Variants in FLT4 observed in about 807,000 individuals in gnomAD.
The protein encoded by FLT4 is fms related receptor tyrosine kinase 4.
Under a neutral mutation model 163.2 loss-of-function variants are expected in FLT4, and 30 were observed. The ratio of observed to expected loss-of-function variants is 0.18; its 90% confidence interval spans 0.14 to 0.25. The LOEUF (loss-of-function observed/expected upper bound fraction) is 0.25, where lower values mean the gene tolerates loss of function less well. FLT4 is among the 10% of genes least tolerant of loss of function. The pLI, the probability that FLT4 is intolerant of heterozygous loss-of-function variation, is 1.00. For synonymous variants in FLT4, 884 were observed against 789.5 expected, an observed-to-expected ratio of 1.12 and a Z score of -2.01; for missense variants, 1,510 against 1,863.8, an observed-to-expected ratio of 0.81 and a Z score of 3.50.
At chr5:180,607,845 A>G in intron 29 of FLT4, 1 of 524,858 alleles carries the variant, frequency 1.9e-6, no homozygotes, top group Non-Finnish European at 3.4e-6. Flanking sequence ...CAGGTGCTGA[A>G]GGGACATTGT....
intron 1 of FLT4, among the ~76,000 whole-genome samples, chr5:180,648,757 TC>T (rs1186588316): frequency 6.6e-6 from 1 of 152,038 alleles, no homozygotes; most frequent in Admixed American, 6.5e-5. Context: ...ACCCCGCCTC[TC>T]CTGTGCAGGG....
In FLT4 at chr5:180,630,974, G is replaced by A. The variant is rs943469890; in HGVS notation, c.156-175C>T. Among the ~76,000 whole-genome samples the A allele has an allele frequency of 5.3e-5, 8 of 152,224 alleles. No homozygotes were observed. Among genetic ancestry groups the A allele is most frequent in the Non-Finnish European group, 1.0e-4 (7 of 68,004 alleles). On this transcript the variant is annotated intron_variant, in intron 2 of 29. Transcript: ENST00000261937. The surrounding 1 kb of genome is among the most constrained non-coding windows in gnomAD (Gnocchi z 6.3). ...CAGGGCAGGGCACTCCCCGACCCCC[G>A]GGCCTCTACCAGGCTCCCGGGGCTG...
chr5:180,607,595 C>G (rs1279000272), intron 29 of FLT4, among the ~76,000 whole-genome samples: 6 of 149,992 alleles, frequency 4.0e-5, no homozygotes, highest in Non-Finnish European at 7.4e-5. Flanking sequence ...GAGCAGAGAT[C>G]GCACCACTGC....
intron 29 of FLT4, among the ~76,000 whole-genome samples, chr5:180,607,676 A>T (rs1001242333): frequency 6.8e-6 from 1 of 148,128 alleles, no homozygotes. Context: ...TATATATATA[A>T]AATAAAGAAA....
intron 22 of FLT4, 66 bp downstream of exon 22, chr5:180,616,834 G>T: frequency 8.1e-7 from 1 of 1,229,940 alleles, no homozygotes; most frequent in Non-Finnish European, 1.2e-6. Context: ...CCAGTACCAA[G>T]CACTTCTTGG....
At chr5:180,644,434 G>A (rs1305494545) in intron 1 of FLT4, among the ~76,000 whole-genome samples, 1 of 152,232 alleles carries the variant, frequency 6.6e-6, no homozygotes, top group East Asian at 1.9e-4. Flanking sequence ...AGAAATTGAA[G>A]AGTCCACCTG....
chr5:180,602,778 C>G lies in FLT4; in HGVS notation c.*414G>C, dbSNP rs1164448417. ...AAAGGGCGTTTGGGAGACCTCTGCT[C>G]TCGTATGCCTTAACCTCCAACACTG... On this transcript the variant is annotated 3_prime_UTR_variant, in exon 30 of 30. Coordinates refer to ENST00000261937, the MANE Select transcript of FLT4 (RefSeq NM_182925.5). The G allele has an allele frequency of 2.0e-6, 1 of 491,042 alleles. No individual in the cohort carries two copies. The highest frequency in any genetic ancestry group is 1.9e-5 in the African/African-American group (1 of 52,024). 30.4% of individuals were successfully genotyped at this position (491,042 alleles called of 1,614,324 possible).
At chr5:180,604,608 G>C (rs771376265) in intron 29 of FLT4, among the ~76,000 whole-genome samples, 3 of 152,158 alleles carry the variant, frequency 2.0e-5, no homozygotes, top group Non-Finnish European at 2.9e-5. Flanking sequence ...CTTGACCTAG[G>C]GGGTGGTTTC....
chr5:180,649,743 G>T (rs576385175), upstream of FLT4: 168 of 175,546 alleles, frequency 9.6e-4, no homozygotes, highest in African/African-American at 3.9e-3. Context: ...CCCGAGCAGT[G>T]CGCGCTCCGC....
chr5:180,628,816 A>T, intron 8 of FLT4, 66 bp downstream of exon 8: 1 of 1,112,662 alleles, frequency 9.0e-7, no homozygotes, highest in Non-Finnish European at 1.4e-6. Flanking sequence ...GTCTTCCCCT[A>T]TGGTCTGTTT....
Position 180,609,993 on chromosome 5 carries a change from A to C in FLT4, c.3719T>G (p.Leu1240Arg), listed in dbSNP as rs1270698155. 6.2e-7 allele frequency: 1 copy of C among 1,614,072 alleles called. No homozygotes were observed. Among genetic ancestry groups the C allele is most frequent in the Non-Finnish European group, 8.5e-7 (1 of 1,180,022 alleles). The change falls in exon 28 of 30, where the codon CTG becomes CGG. Residue 1240 changes from leucine to arginine, a missense_variant. Leu to Arg is a moderately radical substitution (Grantham distance 102). This residue lies in a region of FLT4 where 295 missense variants were observed against 311.0 expected (regional missense o/e 0.95). Coordinates refer to ENST00000261937, the MANE Select transcript of FLT4 (RefSeq NM_182925.5). ...YYNWVSFPGC[L>R]ARGAETRGSS... ...ACCACGGGTCTCAGCCCCTCTGGCC[A>C]GGCACCCGGGAAAGGACACCCAGTT...
rs1278056526 is a variant in FLT4 at position 180,620,261 on chromosome 5, G to C, written c.2454C>G (p.Asp818Glu). The C allele has an allele frequency of 7.4e-6, 12 of 1,612,152 alleles. No individual in the cohort carries two copies. Among genetic ancestry groups the C allele is most frequent in the Non-Finnish European group, 1.0e-5 (12 of 1,179,966 alleles). ...GCTCCTCCAGAGGCACCTCCCCGGG[G>C]TCCATGATGATGGACAGGTAGCCCG... ...IKTGYLSIIM[D>E]PGEVPLEEQC... Residue 818 changes from aspartate (D) to glutamate (E), a missense_variant, in exon 17 of 30, where the codon GAC (aspartate) becomes GAG (glutamate). Physicochemically the swap from Asp to Glu is conservative, Grantham distance 45. Transcript: ENST00000261937. The surrounding 1 kb of genome is among the most constrained non-coding windows in gnomAD (Gnocchi z 4.4).
At chr5:180,627,479 C>T (rs960705015) in intron 8 of FLT4, among the ~76,000 whole-genome samples, 8 of 152,174 alleles carry the variant, frequency 5.3e-5, no homozygotes, top group African/African-American at 7.2e-5. Context: ...AGGTTTAACC[C>T]GGACAGTGAC....
intron 10 of FLT4, among the ~76,000 whole-genome samples, chr5:180,624,984 G>A (rs1209203009): frequency 1.3e-5 from 2 of 152,228 alleles, no homozygotes; most frequent in East Asian, 3.9e-4. Context: ...GCAGTGAGCT[G>A]CATGCCGCAC....
intron 1 of FLT4, among the ~76,000 whole-genome samples, chr5:180,638,047 A>C (rs984282065): frequency 2.6e-5 from 4 of 152,074 alleles, no homozygotes; most frequent in African/African-American, 9.7e-5. Context: ...GGCACACAGG[A>C]TAGGGAGCCG....
At chr5:180,634,827 TGGGA>T (rs1332676654) in intron 1 of FLT4, among the ~76,000 whole-genome samples, 8 of 43,754 alleles carry the variant, frequency 1.8e-4, no homozygotes, top group South Asian at 8.9e-4. Flanking sequence ...GGTGGGTGGG[TGGGA>T]GGATGGATGC....
In FLT4 at chr5:180,619,759, G is replaced by T. The variant is rs756742987; in HGVS notation, c.2553C>A (p.Leu851=). ...CCACCTTCCCGAAGGCGCCGTAGCCGAGCACTCTCCCTGTCGGGGCAGGGG... is the reference window on the plus strand; with the variant it reads ...CCACCTTCCCGAAGGCGCCGTAGCCTAGCACTCTCCCTGTCGGGGCAGGGG... ...PRERLHLGRV[L]GYGAFGKVVE... is the part of the protein sequence containing the mutation. The change falls in exon 18 of 30, where the codon CTC becomes CTA. Residue 851 remains leucine (L), a synonymous_variant. Coordinates refer to ENST00000261937, the MANE Select transcript of FLT4 (RefSeq NM_182925.5). 1.2e-6 allele frequency: 2 copies of T among 1,611,958 alleles called. No individual in the cohort carries two copies. The highest frequency in any genetic ancestry group is 2.2e-5 in the South Asian group (2 of 91,056).
intron 1 of FLT4, among the ~76,000 whole-genome samples, chr5:180,638,979 T>C (rs1231903477): frequency 8.0e-6 from 1 of 125,440 alleles, no homozygotes; most frequent in Non-Finnish European, 1.5e-5. Flanking sequence ...TGAACACTCG[T>C]TGAATGAAAA....
intron 2 of FLT4, among the ~76,000 whole-genome samples, chr5:180,631,279 C>T (rs1341095385): frequency 6.6e-6 from 1 of 151,938 alleles, no homozygotes; most frequent in Non-Finnish European, 1.5e-5. Context: ...CAAGACCATC[C>T]TGCTTAACAC....
Sources: allele counts gnomAD v4.1 joint callset (sites outside exome capture counted in the v4.1 genomes callset), GRCh38; gene constraint gnomAD v4.1.1; regional missense constraint gnomAD v4.1.1; non-coding constraint Gnocchi (gnomAD v3.1); transcripts MANE v1.5; gene names NCBI Gene and HGNC (gene_info 2026-07-23, HGNC 2026-07-21).